Variants in ITGAE observed in about 807,000 individuals in gnomAD.
ITGAE encodes the protein integrin subunit alpha E, also known as integrin alpha-E.
In ITGAE, 99 loss-of-function variants were observed where a neutral mutation model predicts 136.5. That is an observed-to-expected ratio of 0.73 (90% CI 0.62 to 0.86). The LOEUF (loss-of-function observed/expected upper bound fraction) is 0.86, where lower values mean the gene tolerates loss of function less well. ITGAE is among the 40% of genes least tolerant of loss of function. The pLI, the probability that ITGAE is intolerant of heterozygous loss-of-function variation, is 0.00. For synonymous variants in ITGAE, 613 were observed against 591.8 expected, an observed-to-expected ratio of 1.04 and a Z score of -0.52; for missense variants, 1,447 against 1,515.3, an observed-to-expected ratio of 0.95 and a Z score of 0.75.
At chr17:3,754,832 C>G (rs1014755163) in intron 12 of ITGAE, 2 of 411,996 alleles carry the variant, frequency 4.9e-6, no homozygotes, top group African/African-American at 4.4e-5. Context: ...GCCCCACCCT[C>G]CTCACGTAAC....
intron 2 of ITGAE, 78 bp downstream of exon 2, chr17:3,777,462 T>C: frequency 6.6e-7 from 1 of 1,516,836 alleles, no homozygotes; most frequent in Non-Finnish European, 8.9e-7. Context: ...TGGGCTGCCA[T>C]GGCCGTCTCT....
chr17:3,765,348 C>CAAAAAAA (rs66493976), intron 2 of ITGAE, among the ~76,000 whole-genome samples: 6 of 63,754 alleles, frequency 9.4e-5, no homozygotes, highest in African/African-American at 3.4e-4. Context: ...GACTCTGTCT[C>CAAAAAAA]AAAAAAAAAA....
In ITGAE at chr17:3,759,408, T is replaced by A. The variant is rs759415031; in HGVS notation, c.860A>T (p.His287Leu). 1.2e-6 allele frequency: 2 copies of A among 1,613,440 alleles called. No individual in the cohort carries two copies. The highest frequency in any genetic ancestry group is 1.7e-6 in the Non-Finnish European group (2 of 1,179,510). Residue 287 changes from histidine to leucine, a missense_variant, in exon 8 of 31, where the codon CAC (histidine) becomes CTC (leucine). Transcript: ENST00000263087. Reference sequence around the variant, plus strand: ...CTGCAGCCCCCACACTCACAAGACGTGTTGCATGGCTGAGGCAGTCTTGGT... The same window carrying A: ...CTGCAGCCCCCACACTCACAAGACGAGTTGCATGGCTGAGGCAGTCTTGGT... ...SVTKTASAMQ[H>L]VLDSIFTSSH... is the part of the protein sequence containing the mutation.
At chr17:3,779,221 C>G (rs1028782851) in intron 1 of ITGAE, among the ~76,000 whole-genome samples, 4 of 152,138 alleles carry the variant, frequency 2.6e-5, no homozygotes, top group African/African-American at 9.7e-5. Flanking sequence ...GTGCATGTCA[C>G]TGTATGTAAA....
Position 3,751,655 on chromosome 17 carries a change from A to G in ITGAE, c.1888T>C (p.Ser630Pro). The part of the protein sequence containing the change: ...GHWDGLSASP[S>P]QRIRASTVAP... ...GAGAGGGCCCCATGGGTCACCTGCG[A>G]GGGGCTGGCGGAGAGGCCGTCCCAG... The change falls in exon 15 of 31, where the codon TCG becomes CCG. Residue 630 changes from serine to proline, a missense_variant. Ser to Pro is a moderately conservative substitution (Grantham distance 74). Coordinates refer to ENST00000263087, the MANE Select transcript of ITGAE (RefSeq NM_002208.5). 2.5e-6 allele frequency: 4 copies of G among 1,613,580 alleles called. No homozygotes were observed. The highest frequency in any genetic ancestry group is 3.4e-6 in the Non-Finnish European group (4 of 1,179,666).
Position 3,723,281 on chromosome 17 carries a change from C to CAA in ITGAE, c.3237+5_3237+6dup. On this transcript the variant is annotated splice_region_variant and intron_variant, in intron 28 of 30. Coordinates refer to ENST00000263087, the MANE Select transcript of ITGAE (RefSeq NM_002208.5). The stretch of plus-strand genomic sequence containing the variant: ...AATCAAATCTGGAGCATTTCAGTCT[C>CAA]AAACACCTCCTCAGAGTGATCCCAG... The CAA allele has an allele frequency of 6.3e-7, 1 of 1,597,312 alleles. No individual in the cohort carries two copies. The highest frequency in any genetic ancestry group is 1.1e-5 in the South Asian group (1 of 90,690).
In ITGAE at chr17:3,780,151, TTTTG is replaced by T. The variant is rs759830362; in HGVS notation, c.35-2495_35-2492del. On this transcript the variant is annotated intron_variant, in intron 1 of 30. Transcript: ENST00000263087. ...ACCATGCCCGGCTAATTTTTGGTTT[TTTTG>T]TTTGTTTGTTTATTTGTTTTTTTTT... Among the ~76,000 whole-genome samples the T allele has an allele frequency of 1.5e-3, 234 of 151,196 alleles. 2 individuals carry two copies. The highest frequency in any genetic ancestry group is 0.014 in the South Asian group (67 of 4,796).
chr17:3,723,418 T>G, intron 27 of ITGAE, 35 bp from the exon 28 acceptor site: 1 of 1,463,206 alleles, frequency 6.8e-7, no homozygotes, highest in Non-Finnish European at 9.6e-7. Flanking sequence ...ACAATTCCTT[T>G]CCGTGCGGAA....
rs201499687 is a variant in ITGAE at position 3,751,658 on chromosome 17, G to A, written c.1885C>T (p.Pro629Ser). ...NGHWDGLSASPSQRIRASTVA... is the reference protein window; with the variant it reads ...NGHWDGLSASSSQRIRASTVA... ...AGGGCCCCATGGGTCACCTGCGAGG[G>A]GCTGGCGGAGAGGCCGTCCCAGTGT... is the stretch of plus-strand genomic sequence containing the variant. Residue 629 changes from proline (P) to serine (S), a missense_variant, in exon 15 of 31, where the codon CCC (proline) becomes TCC (serine). Transcript: ENST00000263087. 1 of 1,613,764 alleles carries A rather than the reference G, an allele frequency of 6.2e-7. No homozygotes were observed. The highest frequency in any genetic ancestry group is 2.2e-5 in the East Asian group (1 of 44,870).
intron 6 of ITGAE, 140 bp downstream of exon 6, chr17:3,760,873 G>A: frequency 7.9e-7 from 1 of 1,267,158 alleles, no homozygotes; most frequent in Non-Finnish European, 1.1e-6. Flanking sequence ...AAGAGTGGGT[G>A]GAGCTGGTAC....
At chr17:3,771,538 T>C (rs575525215) in intron 2 of ITGAE, among the ~76,000 whole-genome samples, 4,026 of 129,756 alleles carry the variant, frequency 0.031, 129 homozygotes, top group African/African-American at 0.085. Context: ...TTTTCTCTTT[T>C]TTTTTTTTTT....
At chr17:3,788,010 T>C (rs1037969448) in intron 1 of ITGAE, among the ~76,000 whole-genome samples, 19 of 152,122 alleles carry the variant, frequency 1.2e-4, no homozygotes, top group African/African-American at 4.3e-4. Flanking sequence ...TTCTCTGACG[T>C]CTGAAGTCTC....
In ITGAE at chr17:3,748,066, C is replaced by G; in HGVS notation, c.2025-14G>C. On this transcript the variant is annotated splice_polypyrimidine_tract_variant and intron_variant, in intron 16 of 30. Coordinates refer to ENST00000263087, the MANE Select transcript of ITGAE (RefSeq NM_002208.5). ...ACAGGCCGGGAGCTAAACAAGACAGCAAAGAGGATGGGAGAAGTGACTGCT... is the reference window on the plus strand; with the variant it reads ...ACAGGCCGGGAGCTAAACAAGACAGGAAAGAGGATGGGAGAAGTGACTGCT... The G allele has an allele frequency of 3.7e-6, 6 of 1,606,558 alleles. No individual in the cohort carries two copies. The highest frequency in any genetic ancestry group is 5.1e-6 in the Non-Finnish European group (6 of 1,175,620).
rs1567565790 is a variant in ITGAE at position 3,796,156 on chromosome 17, T to TGTGCATCC, written c.34+4954_34+4955insGGATGCAC. Among the ~76,000 whole-genome samples the TGTGCATCC allele has an allele frequency of 1.4e-4, 18 of 133,094 alleles. No homozygotes were observed. In the South Asian group the frequency reaches 2.4e-3, roughly 18 times the overall value. 87.3% of individuals were successfully genotyped at this position (133,094 alleles called of 152,430 possible). A position where few individuals can be genotyped will look rare whatever the true frequency, so the allele number is the denominator to read the frequency against. ...ATCCATGTGTGTGCATCCGTGTGTG[T>TGTGCATCC]GTGTGTGTGCATCCGTGTGTGTGTG... is the stretch of plus-strand genomic sequence containing the variant. On this transcript the variant is annotated intron_variant, in intron 1 of 30. Transcript: ENST00000263087.
intron 2 of ITGAE, among the ~76,000 whole-genome samples, chr17:3,776,221 A>G (rs952305041): frequency 6.6e-6 from 1 of 150,812 alleles, no homozygotes; most frequent in African/African-American, 2.4e-5. Context: ...CCACGCCCAG[A>G]TAATTTTTGT....
intron 15 of ITGAE, 78 bp from the exon 16 acceptor site, chr17:3,750,560 C>A: frequency 6.5e-7 from 1 of 1,537,038 alleles, no homozygotes; most frequent in Non-Finnish European, 8.9e-7. Flanking sequence ...TGATCTATCC[C>A]GATCAGCATC....
At chr17:3,730,083 C>T (rs1190874609) in intron 23 of ITGAE, among the ~76,000 whole-genome samples, 9 of 152,174 alleles carry the variant, frequency 5.9e-5, no homozygotes. Flanking sequence ...CTGTTCCCCT[C>T]CCTGTGTCCA....
Position 3,747,943 on chromosome 17 carries a change from C to T in ITGAE, c.2134G>A (p.Val712Ile). The change falls in exon 17 of 31, where the codon GTA becomes ATA. Residue 712 changes from valine to isoleucine, a missense_variant. Coordinates refer to ENST00000263087, the MANE Select transcript of ITGAE (RefSeq NM_002208.5). The stretch of plus-strand genomic sequence containing the variant: ...TTACCTGACTCAGAGGCTGTGGTTA[C>T]AGAGCTGATTTCAAAACATAAACGG... ...NVRLCFEISSVTTASESGLRE... is the reference protein window; with the variant it reads ...NVRLCFEISSITTASESGLRE... 8.1e-6 allele frequency: 13 copies of T among 1,602,786 alleles called. No individual in the cohort carries two copies. Among genetic ancestry groups the T allele is most frequent in the Non-Finnish European group, 8.5e-6 (10 of 1,172,926 alleles).
At chr17:3,795,758 T>C (rs1400934199) in intron 1 of ITGAE, among the ~76,000 whole-genome samples, 1 of 151,722 alleles carries the variant, frequency 6.6e-6, no homozygotes, top group Admixed American at 6.5e-5. Flanking sequence ...CACGGTGGCA[T>C]GAGACTGTGT....
Sources: allele counts gnomAD v4.1 joint callset (sites outside exome capture counted in the v4.1 genomes callset), GRCh38; gene constraint gnomAD v4.1.1; transcripts MANE v1.5; gene names NCBI Gene and HGNC (gene_info 2026-07-23, HGNC 2026-07-21).